PDE8B: variants seen among roughly 807,000 people sequenced by gnomAD.
PDE8B encodes high affinity cAMP-specific and IBMX-insensitive 3',5'-cyclic phosphodiesterase 8B.
In PDE8B, 26 loss-of-function variants were observed where a neutral mutation model predicts 101.3. The observed-to-expected ratio is 0.26, with a 90% confidence interval of 0.19 to 0.36. The LOEUF is 0.36. PDE8B is among the 10% of genes least tolerant of loss of function. PDE8B has a pLI of 1.00. For synonymous variants in PDE8B, 424 were observed against 429.3 expected, an observed-to-expected ratio of 0.99 and a Z score of 0.15; for missense variants, 810 against 1,163.1, an observed-to-expected ratio of 0.70 and a Z score of 4.42.
chr5:77,170,274 C>T, the PDE8B span, among the ~76,000 whole-genome samples: 31 of 152,254 alleles, frequency 2.0e-4, no homozygotes, highest in African/African-American at 6.3e-4. Context: ...ATTTATTGAG[C>T]GCTTACTCTG....
At chr5:77,165,286 C>A in the PDE8B span, 1 of 152,108 alleles carries the variant, frequency 6.6e-6, no homozygotes, top group Non-Finnish European at 1.5e-5. Flanking sequence ...TAATTACTTG[C>A]CTGTATAATT....
At chr5:77,250,828 A>T (rs191858357) in intron 1 of PDE8B, among the ~76,000 whole-genome samples, 1 of 152,304 alleles carries the variant, frequency 6.6e-6, no homozygotes, top group East Asian at 1.9e-4. Context: ...CTCAGATGTG[A>T]GGAGGGGATG....
intron 20 of PDE8B, among the ~76,000 whole-genome samples, chr5:77,424,874 G>T (rs1436827928): frequency 6.7e-6 from 1 of 150,044 alleles, no homozygotes; most frequent in Non-Finnish European, 1.5e-5. Flanking sequence ...AACCCAAACT[G>T]GAGTGCAGTG....
At chr5:77,102,738 T>G in the PDE8B span, among the ~76,000 whole-genome samples, 1 of 151,856 alleles carries the variant, frequency 6.6e-6, no homozygotes, top group Admixed American at 6.6e-5. Context: ...GTCTGGAGAG[T>G]CAGGGGTTTT....
chr5:77,128,096 C>T, the PDE8B span, among the ~76,000 whole-genome samples: 1 of 152,198 alleles, frequency 6.6e-6, no homozygotes. Context: ...TAACAAAAGC[C>T]AGTGAATTCC....
intron 1 of PDE8B, among the ~76,000 whole-genome samples, chr5:77,223,391 C>A (rs1448526886): frequency 1.8e-5 from 2 of 109,872 alleles, no homozygotes; most frequent in African/African-American, 7.1e-5. Flanking sequence ...CCCCTCCCCC[C>A]ACCCATTCTT....
intron 10 of PDE8B, among the ~76,000 whole-genome samples, chr5:77,376,667 T>C (rs533680579): frequency 3.9e-5 from 6 of 152,308 alleles, no homozygotes; most frequent in African/African-American, 1.2e-4. Flanking sequence ...ATGAACAGCA[T>C]TTTCAGAACC....
At chr5:77,119,707 TATAGTCAGAA>T in the PDE8B span, 2 of 150,388 alleles carry the variant, frequency 1.3e-5, no homozygotes, top group African/African-American at 4.9e-5. Context: ...CATTATGTGT[TATAGTCAGAA>T]ACTGGAAACA....
chr5:77,158,218 G>A, the PDE8B span, among the ~76,000 whole-genome samples: 7 of 152,176 alleles, frequency 4.6e-5, no homozygotes, highest in African/African-American at 1.4e-4. Context: ...GAGATATAAA[G>A]AAATGGAAGA....
chr5:77,403,342 A>G (rs186060990), intron 11 of PDE8B, among the ~76,000 whole-genome samples: 22 of 152,276 alleles, frequency 1.4e-4, no homozygotes, highest in African/African-American at 5.1e-4. Flanking sequence ...GGGGAATCTA[A>G]AACTGTTTTC....
At chr5:77,346,142 T>C (rs1780109382) in intron 7 of PDE8B, among the ~76,000 whole-genome samples, 1 of 152,192 alleles carries the variant, frequency 6.6e-6, no homozygotes, top group Non-Finnish European at 1.5e-5. Flanking sequence ...TCCAAAGCCT[T>C]CCTACCTGGT....
intron 10 of PDE8B, among the ~76,000 whole-genome samples, chr5:77,372,228 C>A (rs1043282683): frequency 2.0e-5 from 3 of 151,996 alleles, no homozygotes; most frequent in South Asian, 2.1e-4. Flanking sequence ...ACAACAACAA[C>A]AAATTGATTT....
chr5:77,329,456 C>G (rs1294704056), intron 4 of PDE8B, among the ~76,000 whole-genome samples: 1 of 151,554 alleles, frequency 6.6e-6, no homozygotes, highest in Non-Finnish European at 1.5e-5. Flanking sequence ...TTTTCATATT[C>G]AAGCATGAGA....
At chr5:77,370,056 T>A (rs1784818052) in intron 10 of PDE8B, among the ~76,000 whole-genome samples, 1 of 152,218 alleles carries the variant, frequency 6.6e-6, no homozygotes, top group African/African-American at 2.4e-5. Flanking sequence ...TGTACATCCT[T>A]AATCCATCTT....
At chr5:77,198,494 T>C in the PDE8B span, among the ~76,000 whole-genome samples, 7 of 152,166 alleles carry the variant, frequency 4.6e-5, no homozygotes, top group Non-Finnish European at 8.8e-5. Context: ...TGAGCCATGA[T>C]TTTGGTCTTC....
At chr5:77,277,220 T>A (rs764273327) in intron 1 of PDE8B, among the ~76,000 whole-genome samples, 6 of 152,230 alleles carry the variant, frequency 3.9e-5, no homozygotes, top group African/African-American at 1.4e-4. Context: ...TAAAATCACC[T>A]GCATACATTC....
At chr5:77,244,023 G>A (rs1332041518) in intron 1 of PDE8B, among the ~76,000 whole-genome samples, 1 of 151,696 alleles carries the variant, frequency 6.6e-6, no homozygotes, top group East Asian at 1.9e-4. Context: ...CAGGAAGCAG[G>A]GTATGTGGGA....
chr5:77,138,870 A>G, the PDE8B span, among the ~76,000 whole-genome samples: 8 of 152,204 alleles, frequency 5.3e-5, no homozygotes, highest in Non-Finnish European at 1.0e-4. Context: ...TATAGTCCTA[A>G]CAGCACAAAT....
Position 77,337,264 on chromosome 5 carries a change from A to G in PDE8B, c.746A>G (p.Asn249Ser). Residue 249 changes from asparagine (N) to serine (S), a missense_variant, in exon 6 of 22, where the codon AAT becomes AGT. Asn to Ser is a conservative substitution (Grantham distance 46). Coordinates refer to ENST00000264917, the MANE Select transcript of PDE8B (RefSeq NM_003719.5). ...MENSSIIACY[N>S]ELIQIEHGEV... ...AATAGCAGCATAATTGCTTGCTATA[A>G]TGAACTGATTCAAATAGAACATGGG... 6.2e-7 allele frequency: 1 copy of G among 1,600,824 alleles called. No individual in the cohort carries two copies. Among genetic ancestry groups the G allele is most frequent in the Non-Finnish European group, 8.5e-7 (1 of 1,169,722 alleles).
Sources: allele counts gnomAD v4.1 joint callset (sites outside exome capture counted in the v4.1 genomes callset), GRCh38; gene constraint gnomAD v4.1.1; transcripts MANE v1.5; gene names NCBI Gene and HGNC (gene_info 2026-07-23, HGNC 2026-07-21).